The following DNAAF11 variants were observed in gnomAD, a reference collection of about 807,000 sequenced individuals.
The protein encoded by DNAAF11 is leucine rich repeat containing 6.
In DNAAF11, 45 loss-of-function variants were observed where a neutral mutation model predicts 60.8. The ratio of observed to expected loss-of-function variants is 0.74; its 90% confidence interval spans 0.58 to 0.95. DNAAF11 has a LOEUF of 0.95. Among genes scored for constraint, DNAAF11 ranks in the 40% least tolerant of loss-of-function variants. The pLI, the probability that DNAAF11 is intolerant of heterozygous loss-of-function variation, is 0.00. For synonymous variants in DNAAF11, 191 were observed against 183.5 expected (o/e 1.04, Z -0.33); for missense variants, 546 against 546.2 (o/e 1.00, Z 0.00).
rs749654432 is a variant in DNAAF11 at position 132,622,697 on chromosome 8, T to C, written c.837-9A>G. 9 of 1,592,190 alleles carry C rather than the reference T, an allele frequency of 5.7e-6. No individual in the cohort carries two copies. Among genetic ancestry groups the C allele is most frequent in the Middle Eastern group, 1.7e-4 (1 of 6,042 alleles). On this transcript the variant is annotated splice_polypyrimidine_tract_variant and intron_variant, in intron 6 of 11. Coordinates refer to ENST00000620350, the MANE Select transcript of DNAAF11 (RefSeq NM_012472.6). ...CTTTCTTCTTTTTTTCACTTAAGAT[T>C]GGTGGTGGATGAGAACAATGGGCAG...
intron 1 of DNAAF11, among the ~76,000 whole-genome samples, chr8:132,671,407 C>T (rs967212617): frequency 6.6e-6 from 1 of 151,888 alleles, no homozygotes; most frequent in African/African-American, 2.4e-5. Flanking sequence ...GAGATATATC[C>T]CTTGTTTTTG....
At chr8:132,588,102 G>A (rs1816090956) in intron 10 of DNAAF11, among the ~76,000 whole-genome samples, 1 of 152,072 alleles carries the variant, frequency 6.6e-6, no homozygotes, top group African/African-American at 2.4e-5. Context: ...TATACTTTGG[G>A]TTGAACCATA....
At chr8:132,696,533 G>A in the DNAAF11 span, among the ~76,000 whole-genome samples, 1 of 152,104 alleles carries the variant, frequency 6.6e-6, no homozygotes, top group Non-Finnish European at 1.5e-5. Flanking sequence ...TTGGTGAATG[G>A]ATAAACAAAT....
intron 2 of DNAAF11, among the ~76,000 whole-genome samples, chr8:132,660,374 T>G (rs995629009): frequency 2.6e-5 from 4 of 152,238 alleles, no homozygotes; most frequent in African/African-American, 9.6e-5. Context: ...AATTTACATT[T>G]TAGGCATTAT....
the DNAAF11 span, among the ~76,000 whole-genome samples, chr8:132,700,747 C>T: frequency 6.6e-6 from 1 of 152,070 alleles, no homozygotes; most frequent in Non-Finnish European, 1.5e-5. Context: ...TCTTATACAT[C>T]CATCGTCCCC....
chr8:132,592,913 T>C (rs1272905832), intron 10 of DNAAF11, among the ~76,000 whole-genome samples: 1 of 151,790 alleles, frequency 6.6e-6, no homozygotes, highest in Non-Finnish European at 1.5e-5. Context: ...GGAAGGGAAA[T>C]AGAGTTCAGA....
intron 10 of DNAAF11, among the ~76,000 whole-genome samples, chr8:132,602,007 T>C (rs1469832377): frequency 2.0e-5 from 3 of 152,220 alleles, no homozygotes; most frequent in Middle Eastern, 3.4e-3. Context: ...TCTCACTCTA[T>C]TCTATGTGTT....
chr8:132,587,907 G>C (rs570040059), intron 10 of DNAAF11, among the ~76,000 whole-genome samples: 1 of 152,172 alleles, frequency 6.6e-6, no homozygotes, highest in Non-Finnish European at 1.5e-5. Flanking sequence ...CTTTTCTGAT[G>C]CATGACTTTC....
the DNAAF11 span, among the ~76,000 whole-genome samples, chr8:132,682,601 T>G: frequency 1.3e-5 from 2 of 152,204 alleles, no homozygotes; most frequent in African/African-American, 4.8e-5. Flanking sequence ...CACTACTGTG[T>G]TTAATAGGAT....
chr8:132,580,047 A>G (rs987577215), intron 11 of DNAAF11, among the ~76,000 whole-genome samples: 2 of 152,122 alleles, frequency 1.3e-5, no homozygotes, highest in African/African-American at 4.8e-5. Flanking sequence ...GAAAAAAAAA[A>G]AAGCACGAGA....
chr8:132,691,783 C>T, the DNAAF11 span, among the ~76,000 whole-genome samples: 2 of 152,110 alleles, frequency 1.3e-5, no homozygotes, highest in Non-Finnish European at 2.9e-5. Context: ...AGGTCTCTCC[C>T]TAAACACCTG....
chr8:132,615,694 G>A (rs1819078323), intron 7 of DNAAF11, among the ~76,000 whole-genome samples: 1 of 152,104 alleles, frequency 6.6e-6, no homozygotes, highest in Non-Finnish European at 1.5e-5. Context: ...CACTTTCTCT[G>A]CACGAGCCTG....
chr8:132,677,782 C>G (rs541605090), upstream of DNAAF11, among the ~76,000 whole-genome samples: 2 of 152,200 alleles, frequency 1.3e-5, no homozygotes, highest in Admixed American at 6.5e-5. Flanking sequence ...TGATGAGAGC[C>G]TGGTCTCCAC....
intron 1 of DNAAF11, among the ~76,000 whole-genome samples, chr8:132,671,433 T>C (rs1055162710): frequency 1.3e-5 from 2 of 152,196 alleles, no homozygotes; most frequent in Admixed American, 1.3e-4. Context: ...GAAGATTCAA[T>C]ATTGTTAAGA....
intron 10 of DNAAF11, among the ~76,000 whole-genome samples, chr8:132,599,621 T>A (rs549815215): frequency 1.3e-5 from 2 of 152,264 alleles, no homozygotes; most frequent in African/African-American, 4.8e-5. Context: ...TGGTTCAACA[T>A]ATGCAAATCA....
chr8:132,659,749 G>C (rs775644879), intron 2 of DNAAF11, among the ~76,000 whole-genome samples: 1 of 151,994 alleles, frequency 6.6e-6, no homozygotes, highest in Non-Finnish European at 1.5e-5. Context: ...AATTATCCAC[G>C]AAACTAGAAG....
intron 3 of DNAAF11, among the ~76,000 whole-genome samples, chr8:132,648,621 A>C (rs984532152): frequency 2.0e-5 from 3 of 152,236 alleles, no homozygotes; most frequent in African/African-American, 7.2e-5. Context: ...CCATTGTCTC[A>C]GCCAAAAATC....
At chr8:132,674,472 T>C (rs955030749) in intron 1 of DNAAF11, among the ~76,000 whole-genome samples, 5 of 152,166 alleles carry the variant, frequency 3.3e-5, no homozygotes, top group African/African-American at 7.2e-5. Flanking sequence ...AAGTGATCAA[T>C]TAGGTAGAGC....
At chr8:132,609,099 A>G (rs1055774667) in intron 10 of DNAAF11, among the ~76,000 whole-genome samples, 7 of 152,050 alleles carry the variant, frequency 4.6e-5, no homozygotes, top group African/African-American at 1.7e-4. Context: ...AGTTGACCCT[A>G]CCCCTAGCTT....
Sources: allele counts gnomAD v4.1 joint callset (sites outside exome capture counted in the v4.1 genomes callset), GRCh38; gene constraint gnomAD v4.1.1; transcripts MANE v1.5; gene names NCBI Gene and HGNC (gene_info 2026-07-23, HGNC 2026-07-21).